Variants in PWWP2A observed in about 807,000 individuals in gnomAD.
The protein encoded by PWWP2A is PWWP domain-containing protein 2A.
PWWP2A carries 18 observed loss-of-function variants against 48.5 expected under a neutral mutation model. The observed-to-expected ratio is 0.37, with a 90% CI of 0.26 to 0.55. The LOEUF (loss-of-function observed/expected upper bound fraction) is 0.55, where lower values mean the gene tolerates loss of function less well. PWWP2A is among the 20% of genes least tolerant of loss of function. The pLI, the probability that PWWP2A is intolerant of heterozygous loss-of-function variation, is 0.81. For synonymous variants in PWWP2A, 396 were observed against 387.7 expected (o/e 1.02, Z -0.25); for missense variants, 867 against 976.4 (o/e 0.89, Z 1.49).
chr5:160,090,314 A>C (rs1754962080), downstream of PWWP2A: 6 of 985,124 alleles, frequency 6.1e-6, no homozygotes, highest in Non-Finnish European at 7.2e-6. Flanking sequence ...CATTACACAA[A>C]GCCTTGGAAT....
At chr5:160,051,154 G>A in the PWWP2A span, 32 of 1,606,206 alleles carry the variant, frequency 2.0e-5, no homozygotes, top group Admixed American at 8.4e-5. Flanking sequence ...ATTGAAGAAC[G>A]TAATGAAAGA....
intron 2 of PWWP2A, among the ~76,000 whole-genome samples, chr5:160,069,924 T>C (rs1466274838): frequency 6.6e-6 from 1 of 152,220 alleles, no homozygotes; most frequent in East Asian, 1.9e-4. Context: ...CCAGGCCACA[T>C]TTCCATCAAG....
At chr5:160,095,127 C>A (rs1226502980) in intron 1 of PWWP2A, among the ~76,000 whole-genome samples, 1 of 141,222 alleles carries the variant, frequency 7.1e-6, no homozygotes, top group African/African-American at 2.6e-5. Context: ...AATACACACA[C>A]TTAAGCAAAA....
At chr5:160,050,410 G>A in the PWWP2A span, among the ~76,000 whole-genome samples, 1 of 152,188 alleles carries the variant, frequency 6.6e-6, no homozygotes, top group South Asian at 2.1e-4. Flanking sequence ...TTGCGCCACT[G>A]CACTCCAGTC....
In PWWP2A at chr5:160,092,613, G is replaced by A. The variant is rs370306276; in HGVS notation, c.2037C>T (p.Ser679=). 2.4e-5 allele frequency: 37 copies of A among 1,551,696 alleles called. No individual in the cohort carries two copies. In the African/African-American group the frequency reaches 3.6e-4, roughly 15 times the overall value. The change falls in exon 2 of 2, where the codon AGC becomes AGT. Residue 679 remains serine, a synonymous_variant. Transcript: ENST00000307063. ...GGACTAAAAGGCCGTTATCTTTCCG[G>A]CTCACAGTTATAGTAAGAATACGGG... is the stretch of plus-strand genomic sequence containing the variant. ...WPARILTITV[S]RKDNGLLVRQ...
At chr5:160,050,665 T>A in the PWWP2A span, among the ~76,000 whole-genome samples, 1 of 139,796 alleles carries the variant, frequency 7.2e-6, no homozygotes, top group Non-Finnish European at 1.5e-5. Flanking sequence ...GGTCTCTGAC[T>A]CCCAGGCTGG....
Position 160,116,981 on chromosome 5 carries a change from A to C in PWWP2A, c.584+1824T>G, listed in dbSNP as rs1295249674. 2.6e-5 allele frequency: 4 copies of C among 153,040 alleles called. No individual in the cohort carries two copies. The Admixed American group carries it at 2.6e-4, about 10-fold the overall frequency. 9.5% of individuals were successfully genotyped at this position (153,040 alleles called of 1,614,324 possible). The stretch of plus-strand genomic sequence containing the variant: ...GTGGCACATGCCTGTAATCCCAGCT[A>C]CTTGGGAGGCTGAGGTAGGAGAATC... On this transcript the variant is annotated intron_variant, in intron 1 of 1. Coordinates refer to ENST00000307063, the MANE Select transcript of PWWP2A (RefSeq NM_001130864.2).
chr5:160,073,168 T>A (rs1414793420), downstream of PWWP2A, among the ~76,000 whole-genome samples: 1 of 152,038 alleles, frequency 6.6e-6, no homozygotes, highest in Non-Finnish European at 1.5e-5. Flanking sequence ...ATAGAACTGA[T>A]AACAGAATCC....
chr5:160,074,614 C>T (rs903547042), downstream of PWWP2A, among the ~76,000 whole-genome samples: 4 of 150,674 alleles, frequency 2.7e-5, no homozygotes, highest in Non-Finnish European at 4.4e-5. Context: ...GGGGTGGTGG[C>T]GCATGCCTGT....
At chr5:160,085,641 G>A (rs1754574729) in intron 2 of PWWP2A, among the ~76,000 whole-genome samples, 1 of 151,494 alleles carries the variant, frequency 6.6e-6, no homozygotes, top group Non-Finnish European at 1.5e-5. Context: ...TGAGTAGCTG[G>A]GATTACAGGT....
At chr5:160,046,897 A>G in the PWWP2A span, among the ~76,000 whole-genome samples, 1 of 152,150 alleles carries the variant, frequency 6.6e-6, no homozygotes, top group Non-Finnish European at 1.5e-5. Flanking sequence ...CTGTAATCCC[A>G]GCTACTCAGG....
At chr5:160,063,760 T>A (rs910494248) in intron 4 of PWWP2A, 5 of 152,208 alleles carry the variant, frequency 3.3e-5, no homozygotes, top group Non-Finnish European at 7.3e-5. Flanking sequence ...ATTCCTAGTT[T>A]CAGATGTTCC....
In PWWP2A at chr5:160,119,305, C is replaced by T. The variant is rs569271804; in HGVS notation, c.84G>A (p.Glu28=). 1 of 1,388,826 alleles carries T rather than the reference C, an allele frequency of 7.2e-7. No homozygotes were observed. Among genetic ancestry groups the T allele is most frequent in the Non-Finnish European group, 9.3e-7 (1 of 1,077,896 alleles). 86.0% of individuals were successfully genotyped at this position (1,388,826 alleles called of 1,614,324 possible). A position where few individuals can be genotyped will look rare whatever the true frequency, so the allele number is the denominator to read the frequency against. Residue 28 remains glutamate, a synonymous_variant, in exon 1 of 2, where the codon GAG becomes GAA. Transcript: ENST00000307063. Reference sequence around the variant, plus strand: ...TGCCGGCCTCACTGCCGGGGATGGGCTCCATCTCCGGCTCGGCCTCGCCGG... The same window carrying T: ...TGCCGGCCTCACTGCCGGGGATGGGTTCCATCTCCGGCTCGGCCTCGCCGG... ...GGAGEAEPEM[E]PIPGSEAGTD...
chr5:160,047,997 AC>A, the PWWP2A span, among the ~76,000 whole-genome samples: 3 of 152,042 alleles, frequency 2.0e-5, no homozygotes, highest in Non-Finnish European at 2.9e-5. Context: ...CTTGTTTCCC[AC>A]TATAGCCCAG....
downstream of PWWP2A, among the ~76,000 whole-genome samples, chr5:160,059,613 G>A (rs192239883): frequency 1.3e-5 from 2 of 152,280 alleles, no homozygotes; most frequent in East Asian, 3.9e-4. Flanking sequence ...TTTCAATATT[G>A]TTGTGGCTTA....
At chr5:160,052,304 G>T in the PWWP2A span, among the ~76,000 whole-genome samples, 1 of 152,002 alleles carries the variant, frequency 6.6e-6, no homozygotes, top group South Asian at 2.1e-4. Flanking sequence ...AGGAGTTCAA[G>T]GCCAGCCTAG....
exon 4 of PWWP2A, chr5:160,076,889 A>G (rs1294948304): frequency 6.6e-6 from 1 of 152,032 alleles, no homozygotes; most frequent in Non-Finnish European, 1.5e-5. Context: ...ATCAATATGG[A>G]TTATCTTTCT....
intron 1 of PWWP2A, among the ~76,000 whole-genome samples, chr5:160,117,125 A>G (rs565052161): frequency 2.0e-4 from 31 of 152,012 alleles, no homozygotes; most frequent in Admixed American, 1.9e-3. Context: ...AAATACATCA[A>G]TAGAAAGCAC....
downstream of PWWP2A, among the ~76,000 whole-genome samples, chr5:160,073,554 C>T (rs1753795815): frequency 6.6e-6 from 1 of 152,098 alleles, no homozygotes; most frequent in African/African-American, 2.4e-5. Context: ...CACCAAGCCA[C>T]TTTCCCTCCT....
Sources: allele counts gnomAD v4.1 joint callset (sites outside exome capture counted in the v4.1 genomes callset), GRCh38; gene constraint gnomAD v4.1.1; transcripts MANE v1.5; gene names NCBI Gene and HGNC (gene_info 2026-07-23, HGNC 2026-07-21).